Variants in ORMDL3 observed in about 807,000 individuals in gnomAD.
The protein encoded by ORMDL3 is ORMDL sphingolipid biosynthesis regulator 3.
In ORMDL3, 6 loss-of-function variants were observed where a neutral mutation model predicts 12.6. That is an observed-to-expected ratio of 0.48 (90% CI 0.26 to 0.94). The LOEUF (loss-of-function observed/expected upper bound fraction) is 0.94, where lower values mean the gene tolerates loss of function less well. Ranked by LOEUF, ORMDL3 falls within the 40% of genes least tolerant of loss-of-function variation. ORMDL3 has a pLI of 0.14. For missense variants in ORMDL3, 159 were observed against 205.5 expected, an observed-to-expected ratio of 0.77 and a Z score of 1.38; for synonymous variants, 99 against 87.2, an observed-to-expected ratio of 1.14 and a Z score of -0.75.
chr17:39,921,418 C>G lies in ORMDL3; in HGVS notation c.*1132G>C, dbSNP rs1167811358. 6.6e-6 allele frequency: 1 copy of G among 152,468 alleles called. No homozygotes were observed. The highest frequency in any genetic ancestry group is 1.5e-5 in the Non-Finnish European group (1 of 68,140). 9.4% of individuals were successfully genotyped at this position (152,468 alleles called of 1,614,324 possible). A position where few individuals can be genotyped will look rare whatever the true frequency, so the allele number is the denominator to read the frequency against. On this transcript the variant is annotated 3_prime_UTR_variant, in exon 4 of 4. Coordinates refer to ENST00000304046, the MANE Select transcript of ORMDL3 (RefSeq NM_139280.4). ...TTGAGCAGGGATCCTACAGGACTCT[C>G]ACCACAGACCCCACATGGGGTGGCC... is the stretch of plus-strand genomic sequence containing the variant.
intron 3 of ORMDL3, 126 bp from the exon 4 acceptor site, chr17:39,922,811 G>A: frequency 1.6e-6 from 2 of 1,265,808 alleles, no homozygotes; most frequent in Non-Finnish European, 2.1e-6. Context: ...TCCCAGACCA[G>A]CGTAAGAAGC....
chr17:39,926,752 G>A, intron 1 of ORMDL3: 1 of 976,988 alleles, frequency 1.0e-6, no homozygotes, highest in Non-Finnish European at 1.2e-6. Context: ...CACCACCAGG[G>A]CAGCCACCAG....
chr17:39,923,269 GGAA>G lies in ORMDL3; in HGVS notation c.175-9_175-7del, dbSNP rs1978311704. On this transcript the variant is annotated splice_region_variant and splice_polypyrimidine_tract_variant and intron_variant, in intron 2 of 3. Transcript: ENST00000304046. ...TGCAGGAAGATATACATGCCCTGGA[GGAA>G]GAAGTCTTTGTTAGAGGATACAAAA... 1.2e-6 allele frequency: 2 copies of G among 1,613,946 alleles called. No homozygotes were observed. The highest frequency in any genetic ancestry group is 1.7e-6 in the Non-Finnish European group (2 of 1,179,934).
intron 1 of ORMDL3, 61 bp from the exon 2 acceptor site, chr17:39,924,286 C>T (rs1190419615): frequency 2.6e-5 from 39 of 1,480,426 alleles, no homozygotes; most frequent in East Asian, 7.2e-5. Flanking sequence ...CTCTCACCCT[C>T]GGATCCCGCT....
In ORMDL3 at chr17:39,922,579, C is replaced by T. The variant is rs774212178; in HGVS notation, c.433G>A (p.Val145Ile). Residue 145 changes from valine (V) to isoleucine (I), a missense_variant, in exon 4 of 4, where the codon GTC (valine) becomes ATC (isoleucine). Physicochemically the swap from Val to Ile is conservative, Grantham distance 29. Coordinates refer to ENST00000304046, the MANE Select transcript of ORMDL3 (RefSeq NM_139280.4). ...LIPKLPQLHG[V>I]RIFGINKY ...TACTTATTGATTCCAAAAATCCGGA[C>T]TCCGTGGAGCTGGGGCAGCTTGGGG... 1 of 1,614,150 alleles carries T rather than the reference C, an allele frequency of 6.2e-7. No individual in the cohort carries two copies. Among genetic ancestry groups the T allele is most frequent in the Non-Finnish European group, 8.5e-7 (1 of 1,180,014 alleles).
rs1978305685 is a variant in ORMDL3 at position 39,922,694 on chromosome 17, G to A, written c.327-9C>T. The A allele has an allele frequency of 1.2e-6, 2 of 1,613,370 alleles. No homozygotes were observed. The highest frequency in any genetic ancestry group is 8.5e-7 in the Non-Finnish European group (1 of 1,179,566). ...AGCTGGTGAGGAAGTACCTGGGAGG[G>A]GAAGGGTGGGGAGAGATATAAAAGA... is the stretch of plus-strand genomic sequence containing the variant. On this transcript the variant is annotated splice_polypyrimidine_tract_variant and intron_variant, in intron 3 of 3. Transcript: ENST00000304046.
At chr17:39,927,375 C>A (rs952006731) in intron 1 of ORMDL3, 109 bp downstream of exon 1, 37 of 786,134 alleles carry the variant, frequency 4.7e-5, no homozygotes, top group Admixed American at 1.2e-4. Flanking sequence ...CTCCACCCCC[C>A]ACTCCCTCTG....
In ORMDL3 at chr17:39,923,261, GC is replaced by G. The variant is rs1289930800; in HGVS notation, c.176del (p.Gly59AlafsTer9). The G allele has an allele frequency of 6.2e-7, 1 of 1,614,012 alleles. No individual in the cohort carries two copies. Among genetic ancestry groups the G allele is most frequent in the Non-Finnish European group, 8.5e-7 (1 of 1,179,964 alleles). The stretch of plus-strand genomic sequence containing the variant: ...TCACCGTGTGCAGGAAGATATACAT[GC>G]CCTGGAGGAAGAAGTCTTTGTTAGA... ...WTLTNLIHNM[G>X]MYIFLHTVKG... On this transcript the variant is annotated frameshift_variant and splice_region_variant, in exon 3 of 4. Transcript: ENST00000304046. LOFTEE classifies it high-confidence loss of function.
intron 1 of ORMDL3, 81 bp from the exon 2 acceptor site, chr17:39,924,306 G>A: frequency 1.4e-6 from 2 of 1,380,094 alleles, no homozygotes; most frequent in Non-Finnish European, 9.7e-7. Flanking sequence ...TGGGAGGCAG[G>A]CCCTTGTTTC....
rs1436536360 is a variant in ORMDL3, at chr17:39,924,038, G to T, written c.166C>A (p.His56Asn). 1 of 1,604,828 alleles carries T rather than the reference G, an allele frequency of 6.2e-7. No individual in the cohort carries two copies. The highest frequency in any genetic ancestry group is 8.5e-7 in the Non-Finnish European group (1 of 1,174,848). The change falls in exon 2 of 4, where the codon CAC (histidine) becomes AAC (asparagine). Residue 56 changes from histidine (H) to asparagine (N), a missense_variant. By Grantham distance (68) the His-to-Asn change is moderately conservative. Coordinates refer to ENST00000304046, the MANE Select transcript of ORMDL3 (RefSeq NM_139280.4). The part of the protein sequence containing the change: ...PVVWTLTNLI[H>N]NMGMYIFLHT... Reference sequence around the variant, plus strand: ...AGCAGACAGGCTCTCACCATGTTGTGAATGAGGTTGGTGAGGGTCCAGACG... The same window carrying T: ...AGCAGACAGGCTCTCACCATGTTGTTAATGAGGTTGGTGAGGGTCCAGACG...
intron 1 of ORMDL3, among the ~76,000 whole-genome samples, chr17:39,924,551 T>C (rs1978327687): frequency 6.6e-6 from 1 of 152,052 alleles, no homozygotes. Flanking sequence ...TCACCCCCTA[T>C]GGCACTCCCA....
At chr17:39,925,022 A>G (rs1978340659) in intron 1 of ORMDL3, 1 of 152,442 alleles carries the variant, frequency 6.6e-6, no homozygotes, top group Non-Finnish European at 1.5e-5. Context: ...TTTTCCCCAC[A>G]AGAGAGGCGA....
chr17:39,923,933 G>T, intron 2 of ORMDL3, 97 bp downstream of exon 2: 1 of 1,294,058 alleles, frequency 7.7e-7, no homozygotes, highest in South Asian at 1.5e-5. Context: ...TGACACCTGG[G>T]CCAGGCCCGA....
Position 39,922,556 on chromosome 17 carries a change from C to CT in ORMDL3, c.455dup (p.Tyr153ValfsTer17). On this transcript the variant is annotated frameshift_variant, in exon 4 of 4. Coordinates refer to ENST00000304046, the MANE Select transcript of ORMDL3 (RefSeq NM_139280.4). LOFTEE classifies it high-confidence loss of function. ...AGGGGAAGGGGCTGCACTCTCAGTA[C>CT]TTATTGATTCCAAAAATCCGGACTC... The CT allele has an allele frequency of 6.2e-7, 1 of 1,614,014 alleles. No individual in the cohort carries two copies. The highest frequency in any genetic ancestry group is 8.5e-7 in the Non-Finnish European group (1 of 1,179,916).
intron 3 of ORMDL3, 36 bp from the exon 4 acceptor site, chr17:39,922,721 T>C: frequency 1.9e-6 from 3 of 1,603,160 alleles, no homozygotes; most frequent in Non-Finnish European, 2.6e-6. Context: ...TATAAAAGAC[T>C]GTTGGGAGGA....
chr17:39,925,067 T>C (rs1217243770), intron 1 of ORMDL3: 2 of 152,298 alleles, frequency 1.3e-5, no homozygotes, highest in Non-Finnish European at 2.9e-5. Flanking sequence ...GTAACTCCCA[T>C]AGAGAGCTGG....
chr17:39,927,534 C>T lies in ORMDL3; in HGVS notation c.-73G>A, dbSNP rs1237707444. On this transcript the variant is annotated 5_prime_UTR_variant, in exon 1 of 4. Transcript: ENST00000304046. ...CGGGAACGGTTCCCGGGAGCGGGGG[C>T]CGCTGCTGCTCCAGCAGCTGTAACA... The T allele has an allele frequency of 1.0e-6, 1 of 985,150 alleles. No homozygotes were observed. The highest frequency in any genetic ancestry group is 1.2e-6 in the Non-Finnish European group (1 of 829,968). The allele number at this position is 985,150 out of a possible 1,614,324, so 61.0% of individuals were successfully genotyped here.
At chr17:39,927,048 G>A (rs543798228) in intron 1 of ORMDL3, 26 of 968,750 alleles carry the variant, frequency 2.7e-5, no homozygotes, top group Non-Finnish European at 3.2e-5. Flanking sequence ...GAGGAGGAGC[G>A]AAGAGGCGGA....
intron 1 of ORMDL3, chr17:39,924,929 C>T (rs1341425323): frequency 6.6e-6 from 1 of 152,206 alleles, no homozygotes; most frequent in Non-Finnish European, 1.5e-5. Flanking sequence ...CAAAACAACC[C>T]ATCCGGATGT....
Sources: allele counts gnomAD v4.1 joint callset (sites outside exome capture counted in the v4.1 genomes callset), GRCh38; gene constraint gnomAD v4.1.1; transcripts MANE v1.5; gene names NCBI Gene and HGNC (gene_info 2026-07-23, HGNC 2026-07-21).